The following ATXN8OS variants were observed in gnomAD, a reference collection of about 807,000 sequenced individuals.
The protein encoded by ATXN8OS is ATXN8 opposite strand (non-protein coding).
chr13:70,170,638 T>A (rs1482981755), exon 5 of ATXN8OS, among the ~76,000 whole-genome samples: 1 of 152,172 alleles, frequency 6.6e-6, no homozygotes, highest in Non-Finnish European at 1.5e-5. Flanking sequence ...GCTGCAGGTT[T>A]TTATGATATG....
At position 70,131,193 on chromosome 13, in the gene ATXN8OS, ATATC is replaced by A. The variant is rs1452271796; in HGVS notation, n.499+1311_499+1314del. The A allele has an allele frequency of 1.3e-5, 5 of 398,164 alleles. No individual in the cohort carries two copies. In the East Asian group the frequency reaches 1.8e-4, roughly 14 times the overall value. The allele number at this position is 398,164 out of a possible 1,614,324, so 24.7% of individuals were successfully genotyped here. A position where few individuals can be genotyped will look rare whatever the true frequency, so the allele number is the denominator to read the frequency against. On this transcript the variant is annotated intron_variant and non_coding_transcript_variant, in intron 3 of 4. Transcript: ENST00000678624. ...AAAGTCAATATAGAGAGTAAGAAGT[ATATC>A]TGTCACAATGTGTACATGTATACAT... is the stretch of plus-strand genomic sequence containing the variant.
intron 2 of ATXN8OS, among the ~76,000 whole-genome samples, chr13:70,126,666 T>C (rs778137573): frequency 1.2e-4 from 18 of 151,802 alleles, no homozygotes; most frequent in Non-Finnish European, 2.1e-4. Flanking sequence ...TATAGGCAGA[T>C]AGCTATGTCT....
At chr13:70,143,226 C>T (rs1299946492) in intron 3 of ATXN8OS, among the ~76,000 whole-genome samples, 1 of 151,918 alleles carries the variant, frequency 6.6e-6, no homozygotes, top group East Asian at 1.9e-4. Flanking sequence ...TATTTACATC[C>T]TTCTTTTTCA....
chr13:70,134,573 G>T (rs167255), intron 3 of ATXN8OS, among the ~76,000 whole-genome samples: 1 of 152,026 alleles, frequency 6.6e-6, no homozygotes. Flanking sequence ...AAAGCCAGCC[G>T]ACAGGAAGAG....
At chr13:70,167,917 T>C (rs1317565318) in intron 4 of ATXN8OS, among the ~76,000 whole-genome samples, 1 of 151,794 alleles carries the variant, frequency 6.6e-6, no homozygotes, top group Non-Finnish European at 1.5e-5. Context: ...TTTGTATTTT[T>C]AATAGAGACG....
At chr13:70,128,744 C>T (rs1384931186) in intron 2 of ATXN8OS, among the ~76,000 whole-genome samples, 2 of 151,974 alleles carry the variant, frequency 1.3e-5, no homozygotes, top group African/African-American at 2.4e-5. Context: ...TTCTTCCCCG[C>T]AGTGTCCTGA....
chr13:70,114,837 T>C (rs141292501), intron 1 of ATXN8OS, among the ~76,000 whole-genome samples: 178 of 152,276 alleles, frequency 1.2e-3, no homozygotes, highest in African/African-American at 4.1e-3. Context: ...TATTTTCTTA[T>C]ATTAATTGTT....
chr13:70,107,730 G>C (rs1422084797), upstream of ATXN8OS: 17 of 1,485,350 alleles, frequency 1.1e-5, no homozygotes, highest in Non-Finnish European at 1.5e-5. Context: ...AAGGCTGGCA[G>C]CTCACGCAGG....
At chr13:70,153,584 A>G (rs964213187) in intron 4 of ATXN8OS, among the ~76,000 whole-genome samples, 3 of 152,310 alleles carry the variant, frequency 2.0e-5, no homozygotes, top group Admixed American at 2.0e-4. Flanking sequence ...AAATAAAAAT[A>G]AATAAAAATA....
intron 4 of ATXN8OS, among the ~76,000 whole-genome samples, chr13:70,154,672 C>T (rs949765158): frequency 1.3e-5 from 2 of 152,148 alleles, no homozygotes; most frequent in Non-Finnish European, 2.9e-5. Flanking sequence ...CTAATGTGCT[C>T]TAGAGACTCT....
At chr13:70,158,722 A>T (rs1888966324) in intron 4 of ATXN8OS, among the ~76,000 whole-genome samples, 1 of 152,200 alleles carries the variant, frequency 6.6e-6, no homozygotes, top group Non-Finnish European at 1.5e-5. Flanking sequence ...TTGTGCTCTG[A>T]TATAACATTA....
intron 4 of ATXN8OS, among the ~76,000 whole-genome samples, chr13:70,157,315 T>A (rs1888949812): frequency 6.6e-6 from 1 of 152,094 alleles, no homozygotes; most frequent in South Asian, 2.1e-4. Context: ...GCTCTTTCTG[T>A]TTAAAAATAA....
intron 2 of ATXN8OS, among the ~76,000 whole-genome samples, chr13:70,126,045 C>T (rs986760371): frequency 6.6e-6 from 1 of 152,120 alleles, no homozygotes; most frequent in African/African-American, 2.4e-5. Flanking sequence ...CTGACTATTA[C>T]AAGAAGGACC....
intron 2 of ATXN8OS, among the ~76,000 whole-genome samples, chr13:70,119,917 A>C (rs999375047): frequency 6.0e-5 from 9 of 150,148 alleles, no homozygotes; most frequent in Admixed American, 2.0e-4. Context: ...ATATTTCACA[A>C]AAAAAAATGC....
intron 1 of ATXN8OS, among the ~76,000 whole-genome samples, chr13:70,114,262 C>T (rs1196989494): frequency 3.9e-5 from 6 of 152,112 alleles, no homozygotes; most frequent in African/African-American, 1.4e-4. Flanking sequence ...GACCCTTTGC[C>T]TTGAAGACTG....
chr13:70,149,074 A>G (rs1426671981), intron 4 of ATXN8OS, among the ~76,000 whole-genome samples: 1 of 152,162 alleles, frequency 6.6e-6, no homozygotes. Flanking sequence ...TCTGAATTAG[A>G]GATAGTCTAT....
chr13:70,118,942 A>C (rs1297412713), intron 2 of ATXN8OS, among the ~76,000 whole-genome samples: 2 of 151,870 alleles, frequency 1.3e-5, no homozygotes, highest in Non-Finnish European at 2.9e-5. Flanking sequence ...GCAAACCCAG[A>C]CTATAGATTT....
At chr13:70,117,175 G>C (rs1412070594) in intron 2 of ATXN8OS, among the ~76,000 whole-genome samples, 1 of 151,958 alleles carries the variant, frequency 6.6e-6, no homozygotes, top group East Asian at 1.9e-4. Context: ...AAGTTGCTAA[G>C]ACAGCAGATT....
chr13:70,115,315 A>C, intron 2 of ATXN8OS: 1 of 398,036 alleles, frequency 2.5e-6, no homozygotes, highest in Non-Finnish European at 4.4e-6. Context: ...CCATTTTATA[A>C]TGTCATTAAT....
Sources: gnomAD v4.1 joint callset for allele counts (sites outside exome capture counted in the v4.1 genomes callset) on GRCh38, gnomAD v4.1.1 for gene constraint, MANE v1.5 for transcripts, NCBI Gene and HGNC (gene_info 2026-07-23, HGNC 2026-07-21) for gene names.